SRRM4: variants seen among roughly 807,000 people sequenced by gnomAD.
SRRM4 encodes serine/arginine repetitive matrix protein 4.
In SRRM4, 33 loss-of-function variants were observed where a neutral mutation model predicts 68.9. The observed-to-expected ratio is 0.48, with a 90% CI of 0.36 to 0.64. The LOEUF (loss-of-function observed/expected upper bound fraction) is 0.64, where lower values mean the gene tolerates loss of function less well. Among genes scored for constraint, SRRM4 ranks in the 30% least tolerant of loss-of-function variants. The probability of loss-of-function intolerance (pLI) is 0.00; values close to 1 mark genes in which losing one functional copy is unlikely to be tolerated. For missense variants in SRRM4, 817 were observed against 827.1 expected (o/e 0.99, Z 0.15); for synonymous variants, 318 against 318.8 (o/e 1.00, Z 0.03).
At chr12:119,067,800 C>T (rs1045361034) in intron 1 of SRRM4, among the ~76,000 whole-genome samples, 3 of 152,210 alleles carry the variant, frequency 2.0e-5, no homozygotes, top group African/African-American at 7.2e-5. Context: ...CATTATGTGG[C>T]CTTGGGCCTG....
At chr12:119,022,413 A>G (rs1953521949) in intron 1 of SRRM4, among the ~76,000 whole-genome samples, 1 of 152,202 alleles carries the variant, frequency 6.6e-6, no homozygotes, top group African/African-American at 2.4e-5. Flanking sequence ...GTAGTGATTT[A>G]AGGCAAAGAG....
rs1954484650 is a variant in SRRM4, at chr12:119,157,938, GA to G, written c.*1142del. The G allele has an allele frequency of 1.3e-5, 2 of 152,558 alleles. No homozygotes were observed. Among genetic ancestry groups the G allele is most frequent in the Admixed American group, 1.3e-4 (2 of 15,282 alleles). The allele number at this position is 152,558 out of a possible 1,614,324, so 9.5% of individuals were successfully genotyped here. ...AGCTCAGGTTTGGGGGAAAAGACCCGAATCCAGAGTGCAGGGGAGAGGGGCT... is the reference window on the plus strand; with the variant it reads ...AGCTCAGGTTTGGGGGAAAAGACCCGATCCAGAGTGCAGGGGAGAGGGGCT... On this transcript the variant is annotated 3_prime_UTR_variant, in exon 13 of 13. Transcript: ENST00000267260. The surrounding 1 kb of genome is among the most constrained non-coding windows in gnomAD (Gnocchi z 4.1).
intron 1 of SRRM4, among the ~76,000 whole-genome samples, chr12:119,077,543 C>G (rs1953923859): frequency 6.6e-6 from 1 of 152,132 alleles, no homozygotes; most frequent in Non-Finnish European, 1.5e-5. Flanking sequence ...TAGCACAGTG[C>G]TGGGCATGTA....
intron 12 of SRRM4, among the ~76,000 whole-genome samples, chr12:119,155,334 C>G (rs1033842652): frequency 2.6e-5 from 4 of 152,224 alleles, no homozygotes; most frequent in Admixed American, 1.3e-4. Context: ...CCACTCAGTC[C>G]AGACACTGGA....
At chr12:119,061,832 C>G (rs1156408389) in intron 1 of SRRM4, among the ~76,000 whole-genome samples, 1 of 151,980 alleles carries the variant, frequency 6.6e-6, no homozygotes, top group Non-Finnish European at 1.5e-5. Flanking sequence ...CCTCGACACA[C>G]TAGATTCTTA....
chr12:119,098,605 T>C (rs138610919), intron 1 of SRRM4, among the ~76,000 whole-genome samples: 7 of 152,316 alleles, frequency 4.6e-5, no homozygotes, highest in African/African-American at 9.6e-5. Context: ...GACAATTAAA[T>C]GACAACATAT....
intron 2 of SRRM4, among the ~76,000 whole-genome samples, chr12:119,110,259 G>T (rs1387680156): frequency 6.6e-6 from 1 of 152,196 alleles, no homozygotes; most frequent in Non-Finnish European, 1.5e-5. Context: ...TCCCAGTTAG[G>T]CTAGTTGGGG....
chr12:119,124,126 C>G (rs1391578852), intron 6 of SRRM4: 1 of 152,058 alleles, frequency 6.6e-6, no homozygotes, highest in African/African-American at 2.4e-5. Flanking sequence ...TAGATGAATC[C>G]CTTTAAGAAA....
chr12:119,003,106 C>A (rs1953395774), intron 1 of SRRM4, among the ~76,000 whole-genome samples: 1 of 151,864 alleles, frequency 6.6e-6, no homozygotes, highest in Admixed American at 6.5e-5. Flanking sequence ...CTCACAGTCA[C>A]CATACCACAC....
intron 3 of SRRM4, among the ~76,000 whole-genome samples, chr12:119,114,660 C>CTTTTTTTTTTTTTTTTTTT (rs68020424): frequency 9.9e-6 from 1 of 101,388 alleles, no homozygotes; most frequent in Non-Finnish European, 2.0e-5. Context: ...GAAGCATAGT[C>CTTTTTTTTTTTTTTTTTTT]TTTTTTTTTT....
intron 1 of SRRM4, among the ~76,000 whole-genome samples, chr12:118,985,200 T>G (rs1953274207): frequency 6.6e-6 from 1 of 152,230 alleles, no homozygotes; most frequent in Non-Finnish European, 1.5e-5. Flanking sequence ...TTAACACACA[T>G]GAGGCAGGGT....
intron 1 of SRRM4, among the ~76,000 whole-genome samples, chr12:119,076,986 C>T (rs927866300): frequency 2.0e-5 from 3 of 152,252 alleles, no homozygotes; most frequent in Non-Finnish European, 4.4e-5. Context: ...AACTGACTTG[C>T]GTAAACACAT....
At chr12:119,059,700 CA>C (rs1331783876) in intron 1 of SRRM4, among the ~76,000 whole-genome samples, 1 of 152,206 alleles carries the variant, frequency 6.6e-6, no homozygotes, top group African/African-American at 2.4e-5. Flanking sequence ...GTGGGAGCCA[CA>C]GAAGGTTTTA....
chr12:119,122,296 A>AAGGAAGGC (rs1565913357), intron 6 of SRRM4, among the ~76,000 whole-genome samples, 176 bp downstream of exon 6: 5 of 89,098 alleles, frequency 5.6e-5, no homozygotes, highest in Admixed American at 1.1e-4. Context: ...GGAAGGCAGG[A>AAGGAAGGC]AGGAAGGAAG....
chr12:119,107,367 T>C (rs954508477), intron 2 of SRRM4, among the ~76,000 whole-genome samples: 2 of 152,344 alleles, frequency 1.3e-5, no homozygotes, highest in African/African-American at 4.8e-5. Context: ...TCTTTTTCTA[T>C]TGATTGGAAT....
At chr12:119,070,953 C>A (rs1405049) in intron 1 of SRRM4, among the ~76,000 whole-genome samples, 1 of 151,906 alleles carries the variant, frequency 6.6e-6, no homozygotes, top group Admixed American at 6.6e-5. Context: ...TTAAACACAG[C>A]GGGGAGGTAC....
intron 2 of SRRM4, among the ~76,000 whole-genome samples, chr12:119,109,129 T>A (rs949518067): frequency 2.0e-5 from 3 of 152,194 alleles, no homozygotes; most frequent in Admixed American, 2.0e-4. Flanking sequence ...TTCTTTTCTT[T>A]AAGAATGTTG....
At chr12:119,102,186 G>T in intron 1 of SRRM4, 50 bp from the exon 2 acceptor site, 2 of 1,516,826 alleles carry the variant, frequency 1.3e-6, no homozygotes, top group Non-Finnish European at 1.8e-6. Context: ...TGAACATTAA[G>T]TGTCTCTGTA....
chr12:119,019,212 G>T (rs903311841), intron 1 of SRRM4, among the ~76,000 whole-genome samples: 1 of 152,124 alleles, frequency 6.6e-6, no homozygotes, highest in African/African-American at 2.4e-5. Flanking sequence ...CAAATGCTCT[G>T]GGGGCCAGCT....
Sources: gnomAD v4.1 joint callset for allele counts (sites outside exome capture counted in the v4.1 genomes callset) on GRCh38, gnomAD v4.1.1 for gene constraint, Gnocchi (gnomAD v3.1) non-coding constraint, MANE v1.5 for transcripts, NCBI Gene and HGNC (gene_info 2026-07-23, HGNC 2026-07-21) for gene names.